The following DTD2 variants were observed in gnomAD, a reference collection of about 807,000 sequenced individuals.
DTD2 encodes the protein D-tyrosyl-tRNA deacylase 2 (putative).
In DTD2, 12 loss-of-function variants were observed where a neutral mutation model predicts 15.5. That is an observed-to-expected ratio of 0.77 (90% CI 0.50 to 1.25). The LOEUF (loss-of-function observed/expected upper bound fraction) is 1.25, where lower values mean the gene tolerates loss of function less well. Among genes scored for constraint, DTD2 ranks in the 50% most tolerant of loss-of-function variants. The pLI, the probability that DTD2 is intolerant of heterozygous loss-of-function variation, is 0.00. For missense variants in DTD2, 170 were observed against 201.1 expected (o/e 0.85, Z 0.93); for synonymous variants, 59 against 77.3 (o/e 0.76, Z 1.24).
At chr14:31,457,161 G>A in intron 1 of DTD2, 122 bp downstream of exon 1, 5 of 924,252 alleles carry the variant, frequency 5.4e-6, no homozygotes, top group Non-Finnish European at 6.6e-6. Flanking sequence ...AGCTGACCCG[G>A]TATCCCCGCG....
At position 31,457,407 on chromosome 14, in the gene DTD2, G is replaced by A. The variant is rs935293317; in HGVS notation, c.-14C>T. 1.6e-5 allele frequency: 23 copies of A among 1,468,508 alleles called. No individual in the cohort carries two copies. The highest frequency in any genetic ancestry group is 2.0e-5 in the Non-Finnish European group (22 of 1,104,560). 91.0% of individuals were successfully genotyped at this position (1,468,508 alleles called of 1,614,324 possible). ...ACCCTCAGCCATGGCTTAAGCCAGC[G>A]CCGCGGCCGGACAGTTACTAGGCCA... On this transcript the variant is annotated 5_prime_UTR_variant, in exon 1 of 3. Transcript: ENST00000310850.
chr14:31,454,367 G>A (rs1198949733), intron 1 of DTD2, among the ~76,000 whole-genome samples: 1 of 152,116 alleles, frequency 6.6e-6, no homozygotes, highest in African/African-American at 2.4e-5. Context: ...CAGGCTCTAT[G>A]CGTTATCCAA....
intron 1 of DTD2, among the ~76,000 whole-genome samples, chr14:31,454,788 A>G (rs2032077144): frequency 6.6e-6 from 1 of 152,232 alleles, no homozygotes; most frequent in Non-Finnish European, 1.5e-5. Flanking sequence ...CATTTCAAAT[A>G]TATAGAAAAA....
intron 1 of DTD2, among the ~76,000 whole-genome samples, chr14:31,454,505 G>C (rs377606999): frequency 3.6e-4 from 55 of 152,286 alleles, no homozygotes; most frequent in African/African-American, 1.3e-3. Flanking sequence ...GCATACCCAC[G>C]AGAAGCTGGC....
At chr14:31,456,484 A>C (rs1160401578) in intron 1 of DTD2, among the ~76,000 whole-genome samples, 1 of 152,148 alleles carries the variant, frequency 6.6e-6, no homozygotes, top group Non-Finnish European at 1.5e-5. Flanking sequence ...TCTGGGACCG[A>C]ATTCAGCAGA....
At chr14:31,453,554 A>G (rs551368107) in intron 1 of DTD2, among the ~76,000 whole-genome samples, 27 of 152,368 alleles carry the variant, frequency 1.8e-4, no homozygotes, top group African/African-American at 6.3e-4. Context: ...TAAGTTTAAA[A>G]TATACCCAAG....
chr14:31,448,138 A>C lies in DTD2; in HGVS notation c.498T>G (p.Ile166Met). 1 of 1,603,544 alleles carries C rather than the reference A, an allele frequency of 6.2e-7. No individual in the cohort carries two copies. Among genetic ancestry groups the C allele is most frequent in the South Asian group, 1.1e-5 (1 of 89,286 alleles). Residue 166 changes from isoleucine (I) to methionine (M), a missense_variant, in exon 3 of 3, where the codon ATT becomes ATG. Coordinates refer to ENST00000310850, the MANE Select transcript of DTD2 (RefSeq NM_080664.3). ...LDTNGPFTHL[I>M]EF is the part of the protein sequence containing the mutation. ...AACTAGTTTTTCATTTTCAAAACTC[A>C]ATTAAGTGTGTGAATGGTCCGTTGG...
chr14:31,446,694 C>T lies in DTD2; in HGVS notation c.*1435G>A, dbSNP rs1490341543. On this transcript the variant is annotated 3_prime_UTR_variant, in exon 3 of 3. Transcript: ENST00000310850. The stretch of plus-strand genomic sequence containing the variant: ...CCAGATACCATCACATTAATAAGGG[C>T]TTCAACATATAAATTTTGGGGACGG... 1 of 152,096 alleles carries T rather than the reference C, an allele frequency of 6.6e-6. No individual in the cohort carries two copies. The highest frequency in any genetic ancestry group is 2.4e-5 in the African/African-American group (1 of 41,420). 9.4% of individuals were successfully genotyped at this position (152,096 alleles called of 1,614,324 possible). A position where few individuals can be genotyped will look rare whatever the true frequency, so the allele number is the denominator to read the frequency against.
At chr14:31,457,189 A>G in intron 1 of DTD2, 94 bp downstream of exon 1, 1 of 1,176,140 alleles carries the variant, frequency 8.5e-7, no homozygotes, top group Non-Finnish European at 1.2e-6. Context: ...CGCCGGTCTC[A>G]GAGGGAGACA....
At position 31,448,254 on chromosome 14, in the gene DTD2, T is replaced by C; in HGVS notation, c.382A>G (p.Lys128Glu). 1.2e-6 allele frequency: 2 copies of C among 1,614,196 alleles called. No individual in the cohort carries two copies. Among genetic ancestry groups the C allele is most frequent in the Non-Finnish European group, 1.7e-6 (2 of 1,180,034 alleles). ...CACTTGCTATTAGCAGCTACTTCTTTTTCACATAGAGTCACAAATTGAGAG... is the reference window on the plus strand; with the variant it reads ...CACTTGCTATTAGCAGCTACTTCTTCTTCACATAGAGTCACAAATTGAGAG... ...LYSQFVTLCE[K>E]EVAANSKCAE... Residue 128 changes from lysine (K) to glutamate (E), a missense_variant, in exon 3 of 3, where the codon AAA becomes GAA. Transcript: ENST00000310850.
intron 2 of DTD2, among the ~76,000 whole-genome samples, chr14:31,448,704 C>T (rs944559880): frequency 6.6e-6 from 1 of 152,200 alleles, no homozygotes; most frequent in Non-Finnish European, 1.5e-5. Context: ...GATAACCTAA[C>T]AATAAGTTCA....
intron 2 of DTD2, among the ~76,000 whole-genome samples, chr14:31,449,631 CA>C (rs566347089): frequency 2.6e-3 from 398 of 152,244 alleles, no homozygotes; most frequent in Middle Eastern, 0.01. Flanking sequence ...ATTTTTGAAA[CA>C]ATAAGCAAAA....
Position 31,447,904 on chromosome 14 carries a change from A to T in DTD2, c.*225T>A. On this transcript the variant is annotated 3_prime_UTR_variant, in exon 3 of 3. Transcript: ENST00000310850. ...ATAGACAGCATATTTCAAATTTTCA[A>T]GTAGAAGGGTAGAGGAATGTAGGAC... The T allele has an allele frequency of 1.0e-5, 5 of 480,398 alleles. No homozygotes were observed. The highest frequency in any genetic ancestry group is 1.5e-5 in the Non-Finnish European group (4 of 273,972). The allele number at this position is 480,398 out of a possible 1,614,324, so 29.8% of individuals were successfully genotyped here.
intron 1 of DTD2, chr14:31,457,032 T>A: frequency 1.9e-6 from 1 of 537,618 alleles, no homozygotes; most frequent in South Asian, 2.2e-5. Context: ...CAAATACCTG[T>A]GGTCCCCCCA....
At position 31,446,380 on chromosome 14, in the gene DTD2, T is replaced by C. The variant is rs2139357733; in HGVS notation, c.*1749A>G. 1.3e-5 allele frequency: 2 copies of C among 152,338 alleles called. No individual in the cohort carries two copies. The highest frequency in any genetic ancestry group is 6.8e-3 in the Middle Eastern group (2 of 294). The allele number at this position is 152,338 out of a possible 1,614,324, so 9.4% of individuals were successfully genotyped here. On this transcript the variant is annotated 3_prime_UTR_variant, in exon 3 of 3. Transcript: ENST00000310850. ...TCAAGTCAGAGGAGTTTGCCAAAAC[T>C]GAATATTACCTCTTACTGACTTAAT...
In DTD2 at chr14:31,448,199, C is replaced by T; in HGVS notation, c.437G>A (p.Gly146Asp). ...CAEARVVVEH[G>D]TYGNRQVLKL... ...TAACACCTGCCTGTTCCCATAAGTG[C>T]CATGTTCCACTACAACCCTAGCTTC... The change falls in exon 3 of 3, where the codon GGC becomes GAC. Residue 146 changes from glycine (G) to aspartate (D), a missense_variant. Physicochemically the swap from Gly to Asp is moderately conservative, Grantham distance 94. Coordinates refer to ENST00000310850, the MANE Select transcript of DTD2 (RefSeq NM_080664.3). 1 of 1,614,168 alleles carries T rather than the reference C, an allele frequency of 6.2e-7. No individual in the cohort carries two copies. The highest frequency in any genetic ancestry group is 8.5e-7 in the Non-Finnish European group (1 of 1,180,010).
intron 2 of DTD2, among the ~76,000 whole-genome samples, chr14:31,449,946 A>G (rs1325813467): frequency 1.3e-5 from 2 of 152,226 alleles, no homozygotes; most frequent in Non-Finnish European, 2.9e-5. Flanking sequence ...GGCATTAAGC[A>G]TCATCAATTT....
rs770632558 is a variant in DTD2, at chr14:31,451,274, A to T, written c.181+2001T>A. Among the ~76,000 whole-genome samples, 32 of 151,062 alleles carry T rather than the reference A, an allele frequency of 2.1e-4. 1 individual carries two copies. Among genetic ancestry groups the T allele is most frequent in the Non-Finnish European group, 3.8e-4 (26 of 67,892 alleles). ...GCCATTCTCCTGCCTCAGCCTCCCG[A>T]GTAGCTGGGACTACAGGCGCCCACC... On this transcript the variant is annotated intron_variant, in intron 2 of 2. Transcript: ENST00000310850.
chr14:31,457,416 G>T lies in DTD2; in HGVS notation c.-23C>A, dbSNP rs938427215. ...CATGGCTTAAGCCAGCGCCGCGGCC[G>T]GACAGTTACTAGGCCATGTGTCGCT... is the stretch of plus-strand genomic sequence containing the variant. On this transcript the variant is annotated 5_prime_UTR_variant, in exon 1 of 3. Coordinates refer to ENST00000310850, the MANE Select transcript of DTD2 (RefSeq NM_080664.3). 4.1e-6 allele frequency: 6 copies of T among 1,456,338 alleles called. No individual in the cohort carries two copies. Among genetic ancestry groups the T allele is most frequent in the African/African-American group, 1.4e-5 (1 of 69,296 alleles). The allele number at this position is 1,456,338 out of a possible 1,614,324, so 90.2% of individuals were successfully genotyped here.
Sources: allele counts gnomAD v4.1 joint callset (sites outside exome capture counted in the v4.1 genomes callset), GRCh38; gene constraint gnomAD v4.1.1; transcripts MANE v1.5; gene names NCBI Gene and HGNC (gene_info 2026-07-23, HGNC 2026-07-21).